The following ABCA3 variants were observed in gnomAD, a reference collection of about 807,000 sequenced individuals.
The protein encoded by ABCA3 is phospholipid-transporting ATPase ABCA3.
In ABCA3, 88 loss-of-function variants were observed where a neutral mutation model predicts 172.8. The ratio of observed to expected loss-of-function variants is 0.51; its 90% CI spans 0.43 to 0.61. The LOEUF (loss-of-function observed/expected upper bound fraction) is 0.61. Among genes scored for constraint, ABCA3 ranks in the 20% least tolerant of loss-of-function variants. ABCA3 has a pLI of 0.00. For synonymous variants in ABCA3, 1,066 were observed against 983.8 expected (o/e 1.08, Z -1.56); for missense variants, 2,164 against 2,301.0 (o/e 0.94, Z 1.22).
In ABCA3 at chr16:2,284,995, C is replaced by T; in HGVS notation, c.3487G>A (p.Val1163Met). Residue 1163 changes from valine (V) to methionine (M), a missense_variant, in exon 24 of 33, where the codon GTG becomes ATG. Physicochemically the swap from Val to Met is conservative, Grantham distance 21. Around this residue, in one of 3 missense-constraint regions of ABCA3, gnomAD observed 795 missense variants for 881.9 expected, o/e 0.90. Transcript: ENST00000301732. This position sits in a 1 kb window ranked among gnomAD's most constrained non-coding sequence, Gnocchi z 5.9. ...FLIPSLLLLV[V>M]FKAFDVRAFT... ...GCACGCACGTCGAAGGCCTTAAACACCACCTGCGGCGGCACAGGGAGGCGC... is the reference window on the plus strand; with the variant it reads ...GCACGCACGTCGAAGGCCTTAAACATCACCTGCGGCGGCACAGGGAGGCGC... 1 of 1,612,552 alleles carries T rather than the reference C, an allele frequency of 6.2e-7. No individual in the cohort carries two copies. Among genetic ancestry groups the T allele is most frequent in the Non-Finnish European group, 8.5e-7 (1 of 1,179,768 alleles).
rs897903830 is a variant in ABCA3, at chr16:2,279,919, G to A, written c.4360-789C>T. Among the ~76,000 whole-genome samples, 3 of 152,080 alleles carry A rather than the reference G, an allele frequency of 2.0e-5. No homozygotes were observed. Among genetic ancestry groups the A allele is most frequent in the African/African-American group, 4.8e-5 (2 of 41,414 alleles). On this transcript the variant is annotated intron_variant, in intron 28 of 32. Transcript: ENST00000301732. The surrounding 1 kb of genome is among the most constrained non-coding windows in gnomAD (Gnocchi z 4.4). Reference sequence around the variant, plus strand: ...CTGCCACCATGCCCTGCTAATTTTTGTATTTTTCTTTGGTAGAGACAGCAT... The same window carrying A: ...CTGCCACCATGCCCTGCTAATTTTTATATTTTTCTTTGGTAGAGACAGCAT...
At chr16:2,289,961 TCACACACACACACACACA>T (rs3138606) in intron 19 of ABCA3, among the ~76,000 whole-genome samples, 1 of 138,208 alleles carries the variant, frequency 7.2e-6, no homozygotes, top group African/African-American at 2.8e-5. Flanking sequence ...GTGAATTACA[TCACACACACACACACACA>T]CACACACACA....
In ABCA3 at chr16:2,289,462, T is replaced by C. The variant is rs1028268838; in HGVS notation, c.2672A>G (p.Glu891Gly). The C allele has an allele frequency of 1.3e-6, 2 of 1,588,580 alleles. No individual in the cohort carries two copies. The highest frequency in any genetic ancestry group is 2.7e-5 in the African/African-American group (2 of 74,554). ...AGTGTTGAGCTTGACAGCGGTGCGCTCCTCCTCGATGAGGGCTCCAATGCC... is the reference window on the plus strand; with the variant it reads ...AGTGTTGAGCTTGACAGCGGTGCGCCCCTCCTCGATGAGGGCTCCAATGCC... ...SDGIGALIEE[E>G]RTAVKLNTGL... The change falls in exon 20 of 33, where the codon GAG (glutamate) becomes GGG (glycine). Residue 891 changes from glutamate to glycine, a missense_variant. Coordinates refer to ENST00000301732, the MANE Select transcript of ABCA3 (RefSeq NM_001089.3).
intron 8 of ABCA3, among the ~76,000 whole-genome samples, chr16:2,318,115 G>A (rs1355113682): frequency 6.6e-6 from 1 of 152,210 alleles, no homozygotes. Flanking sequence ...TTCTGGGGGT[G>A]GGCCGAAAGA....
intron 1 of ABCA3, among the ~76,000 whole-genome samples, chr16:2,338,738 G>A (rs1249825934): frequency 6.7e-6 from 1 of 148,992 alleles, no homozygotes; most frequent in Non-Finnish European, 1.5e-5. Flanking sequence ...AGCAGGGACT[G>A]TGTCCAATTC....
At chr16:2,307,677 C>T (rs532585485) in intron 11 of ABCA3, among the ~76,000 whole-genome samples, 1 of 152,306 alleles carries the variant, frequency 6.6e-6, no homozygotes, top group East Asian at 1.9e-4. Context: ...GCGATCTCAG[C>T]TCACTGCAAG....
At chr16:2,327,238 G>A (rs762738370) in intron 3 of ABCA3, among the ~76,000 whole-genome samples, 15 of 151,808 alleles carry the variant, frequency 9.9e-5, no homozygotes, top group East Asian at 1.9e-4. Flanking sequence ...TCAGCCTCCC[G>A]AGTAGGTGGA....
rs753800479 is a variant in ABCA3 at position 2,288,065 on chromosome 16, C to A, written c.2965G>T (p.Ala989Ser). ...GQQLSEHLKD[A>S]LQAEGQEPRE... The stretch of plus-strand genomic sequence containing the variant: ...GGCTCCTGTCCCTCAGCCTGCAGTG[C>A]GTCTTTCAGATGCTCTGACAGCTGC... The change falls in exon 21 of 33, where the codon GCA becomes TCA. Residue 989 changes from alanine to serine, a missense_variant. Ala to Ser is a moderately conservative substitution (Grantham distance 99). Around this residue, in one of 3 missense-constraint regions of ABCA3, gnomAD observed 1,343 missense variants for 1,369.6 expected, o/e 0.98. Transcript: ENST00000301732. The A allele has an allele frequency of 6.2e-6, 10 of 1,612,184 alleles. No homozygotes were observed. The Admixed American group carries it at 1.0e-4, about 16-fold the overall frequency.
intron 10 of ABCA3, among the ~76,000 whole-genome samples, chr16:2,311,277 T>A (rs2093706310): frequency 6.6e-6 from 1 of 152,170 alleles, no homozygotes; most frequent in South Asian, 2.1e-4. Flanking sequence ...CAGCCCTATT[T>A]ACCCTTTTAT....
chr16:2,332,442 G>A lies in ABCA3; in HGVS notation c.-538-2588C>T. The A allele has an allele frequency of 2.6e-6, 3 of 1,176,070 alleles. No homozygotes were observed. In the South Asian group the frequency reaches 3.8e-5, roughly 15 times the overall value. 72.9% of individuals were successfully genotyped at this position (1,176,070 alleles called of 1,614,324 possible). A position where few individuals can be genotyped will look rare whatever the true frequency, so the allele number is the denominator to read the frequency against. ...TGAGGATGTCTTTGATCTCCTTCTTGGAAGCCTCATCCATATACTTCTGGT... is the reference window on the plus strand; with the variant it reads ...TGAGGATGTCTTTGATCTCCTTCTTAGAAGCCTCATCCATATACTTCTGGT... On this transcript the variant is annotated intron_variant, in intron 1 of 32. Coordinates refer to ENST00000301732, the MANE Select transcript of ABCA3 (RefSeq NM_001089.3).
intron 10 of ABCA3, among the ~76,000 whole-genome samples, chr16:2,316,308 C>CAAAAAAAAAAAAAAGAAAA (rs2093715420): frequency 5.3e-5 from 2 of 37,708 alleles, no homozygotes; most frequent in East Asian, 4.2e-4. Context: ...GAGGCAGTCT[C>CAAAAAAAAAAAAAAGAAAA]AAAAAAAAAA....
chr16:2,278,085 G>T lies in ABCA3; in HGVS notation c.4719-16C>A. On this transcript the variant is annotated splice_polypyrimidine_tract_variant and intron_variant, in intron 30 of 32. Transcript: ENST00000301732. The surrounding 1 kb of genome is among the most constrained non-coding windows in gnomAD (Gnocchi z 4.4). Reference sequence around the variant, plus strand: ...CTCCTCCATGCTGTGGAGAGGGCGGGACCTCAGATAGGGCTTGGGGTGCCA... The same window carrying T: ...CTCCTCCATGCTGTGGAGAGGGCGGTACCTCAGATAGGGCTTGGGGTGCCA... 1 of 1,613,266 alleles carries T rather than the reference G, an allele frequency of 6.2e-7. No homozygotes were observed.
At chr16:2,319,552 A>T (rs1293190433) in intron 8 of ABCA3, 29 bp downstream of exon 8, 4 of 1,605,668 alleles carry the variant, frequency 2.5e-6, no homozygotes, top group Non-Finnish European at 3.4e-6. Flanking sequence ...CGGTTTCTAG[A>T]GTGTTGGGGA....
At chr16:2,314,587 T>G (rs1348660181) in intron 10 of ABCA3, among the ~76,000 whole-genome samples, 1 of 152,022 alleles carries the variant, frequency 6.6e-6, no homozygotes, top group Non-Finnish European at 1.5e-5. Flanking sequence ...GTAATTTTTT[T>G]TTTTTTGAGA....
At position 2,286,397 on chromosome 16, in the gene ABCA3, G is replaced by A. The variant is rs1020941724; in HGVS notation, c.3278+297C>T. Among the ~76,000 whole-genome samples, 6 of 150,946 alleles carry A rather than the reference G, an allele frequency of 4.0e-5. No homozygotes were observed. Among genetic ancestry groups the A allele is most frequent in the Non-Finnish European group, 7.4e-5 (5 of 67,662 alleles). On this transcript the variant is annotated intron_variant, in intron 22 of 32. Transcript: ENST00000301732. This position sits in a 1 kb window ranked among gnomAD's most constrained non-coding sequence, Gnocchi z 5.2. ...ACACTGCTGGAGAGAGCAGTGTGGA[G>A]CGAGGACAGTGGCTGACAGGAGCCA...
intron 6 of ABCA3, 151 bp from the exon 7 acceptor site, chr16:2,323,839 C>A: frequency 1.0e-6 from 1 of 959,094 alleles, no homozygotes; most frequent in South Asian, 1.3e-5. Context: ...CCCGGAATGT[C>A]ACACTGAGTG....
intron 10 of ABCA3, among the ~76,000 whole-genome samples, chr16:2,311,616 A>G (rs998802773): frequency 1.3e-5 from 2 of 151,970 alleles, no homozygotes; most frequent in Admixed American, 1.3e-4. Flanking sequence ...TCCGACTCCC[A>G]GGTTCAAGCA....
chr16:2,282,445 C>T (rs1442949771), intron 26 of ABCA3, among the ~76,000 whole-genome samples: 1 of 152,218 alleles, frequency 6.6e-6, no homozygotes, highest in Non-Finnish European at 1.5e-5. Context: ...AGAAGTCTGA[C>T]TATTTTAAAG....
At chr16:2,318,705 GT>G (rs1314297642) in intron 8 of ABCA3, among the ~76,000 whole-genome samples, 2 of 151,890 alleles carry the variant, frequency 1.3e-5, no homozygotes, top group Non-Finnish European at 2.9e-5. Flanking sequence ...TAGAGACACG[GT>G]TTCACCTTGC....
Sources: allele counts gnomAD v4.1 joint callset (sites outside exome capture counted in the v4.1 genomes callset), GRCh38; gene constraint gnomAD v4.1.1; regional missense constraint gnomAD v4.1.1; non-coding constraint Gnocchi (gnomAD v3.1); transcripts MANE v1.5; gene names NCBI Gene and HGNC (gene_info 2026-07-23, HGNC 2026-07-21).